Variants in NEMP2 observed in about 807,000 individuals in gnomAD.
NEMP2 encodes the protein UPF0571 transmembrane protein.
In NEMP2, 53 loss-of-function variants were observed where a neutral mutation model predicts 54.2. The observed-to-expected ratio is 0.98, with a 90% confidence interval of 0.78 to 1.23. The LOEUF (loss-of-function observed/expected upper bound fraction) is 1.23. Ranked by LOEUF, NEMP2 falls within the 50% of genes most tolerant of loss-of-function variation. The probability of loss-of-function intolerance (pLI) is 0.00; values close to 1 mark genes in which losing one functional copy is unlikely to be tolerated. For missense variants in NEMP2, 455 were observed against 511.3 expected, an observed-to-expected ratio of 0.89 and a Z score of 1.06; for synonymous variants, 197 against 190.3, an observed-to-expected ratio of 1.04 and a Z score of -0.29.
chr2:190,435,510 G>T, the NEMP2 span, among the ~76,000 whole-genome samples: 1 of 152,186 alleles, frequency 6.6e-6, no homozygotes, highest in African/African-American at 2.4e-5. Flanking sequence ...CATTACATTT[G>T]TGGTTGTGGT....
At chr2:190,450,140 T>G in the NEMP2 span, among the ~76,000 whole-genome samples, 1 of 152,238 alleles carries the variant, frequency 6.6e-6, no homozygotes, top group Admixed American at 6.5e-5. Flanking sequence ...ACCAGCTGTT[T>G]CGTTATCTTG....
At chr2:190,469,301 A>G in the NEMP2 span, among the ~76,000 whole-genome samples, 1 of 152,150 alleles carries the variant, frequency 6.6e-6, no homozygotes, top group East Asian at 1.9e-4. This position sits in a 1 kb window ranked among gnomAD's most constrained non-coding sequence, Gnocchi z 5.3. Flanking sequence ...GCAAGGCCAC[A>G]TTCGTGTTTA....
the NEMP2 span, chr2:190,648,250 C>G: frequency 6.6e-6 from 1 of 152,280 alleles, no homozygotes; most frequent in African/African-American, 2.4e-5. Flanking sequence ...CAAAGCTGTA[C>G]TTCGGACTCC....
the NEMP2 span, among the ~76,000 whole-genome samples, chr2:190,542,243 GCTCTGTTGC>G: frequency 6.6e-6 from 1 of 152,150 alleles, no homozygotes; most frequent in Non-Finnish European, 1.5e-5. The surrounding 1 kb of genome is among the most constrained non-coding windows in gnomAD (Gnocchi z 4.6). Flanking sequence ...GTGGAGTCTT[GCTCTGTTGC>G]CCAGGCTTGA....
chr2:190,482,172 G>A, the NEMP2 span, among the ~76,000 whole-genome samples: 15 of 152,214 alleles, frequency 9.9e-5, no homozygotes, highest in Non-Finnish European at 2.2e-4. Flanking sequence ...GCAGATGGCA[G>A]ATTCTCTGTA....
the NEMP2 span, among the ~76,000 whole-genome samples, chr2:190,551,045 A>G: frequency 4.0e-5 from 6 of 148,204 alleles, no homozygotes; most frequent in African/African-American, 1.5e-4. Flanking sequence ...TCTTACCCTT[A>G]CAAATCACTT....
the NEMP2 span, among the ~76,000 whole-genome samples, chr2:190,468,810 G>A: frequency 1.3e-5 from 2 of 152,120 alleles, no homozygotes; most frequent in South Asian, 2.1e-4. Context: ...ACTGATTATC[G>A]TGTTGGTTTA....
rs985785102 is a variant in NEMP2 at position 190,513,919 on chromosome 2, A to G, written c.953+534T>C. 2.6e-5 allele frequency among the ~76,000 whole-genome samples: 4 copies of G among 152,178 alleles called. No individual in the cohort carries two copies. Among genetic ancestry groups the G allele is most frequent in the Non-Finnish European group, 4.4e-5 (3 of 68,028 alleles). Reference sequence around the variant, plus strand: ...ACATGAAAACAGCTGCTCAGACTCAATGACTGAGGAGAAACATAACAAAGC... The same window carrying G: ...ACATGAAAACAGCTGCTCAGACTCAGTGACTGAGGAGAAACATAACAAAGC... On this transcript the variant is annotated intron_variant, in intron 7 of 8. Coordinates refer to ENST00000409150, the MANE Select transcript of NEMP2 (RefSeq NM_001142645.2). This position sits in a 1 kb window ranked among gnomAD's most constrained non-coding sequence, Gnocchi z 5.3.
At chr2:190,624,035 C>G in the NEMP2 span, among the ~76,000 whole-genome samples, 2 of 152,150 alleles carry the variant, frequency 1.3e-5, no homozygotes, top group African/African-American at 4.8e-5. Context: ...GTAATCCCAG[C>G]TACTTAGGAG....
chr2:190,464,746 T>C, the NEMP2 span: 4 of 179,442 alleles, frequency 2.2e-5, no homozygotes, highest in African/African-American at 9.5e-5. Flanking sequence ...TTAACTTATT[T>C]GTTTATGTGT....
At chr2:190,594,160 C>T in the NEMP2 span, among the ~76,000 whole-genome samples, 1 of 152,162 alleles carries the variant, frequency 6.6e-6, no homozygotes, top group African/African-American at 2.4e-5. This position sits in a 1 kb window ranked among gnomAD's most constrained non-coding sequence, Gnocchi z 5.6. Context: ...CATCTTGGGT[C>T]TTTCCCTCTT....
the NEMP2 span, among the ~76,000 whole-genome samples, chr2:190,549,443 G>C: frequency 6.6e-6 from 1 of 152,194 alleles, no homozygotes; most frequent in Admixed American, 6.5e-5. Flanking sequence ...CAATGGTGCA[G>C]TTCATGTAGA....
the NEMP2 span, among the ~76,000 whole-genome samples, chr2:190,572,849 A>G: frequency 4.1e-4 from 46 of 111,594 alleles, no homozygotes; most frequent in African/African-American, 1.4e-3. Context: ...ATATATATAT[A>G]TATATATATA....
the NEMP2 span, chr2:190,617,115 G>A: frequency 6.7e-6 from 1 of 149,924 alleles, no homozygotes; most frequent in Non-Finnish European, 1.5e-5. The surrounding 1 kb of genome is among the most constrained non-coding windows in gnomAD (Gnocchi z 5.0). Flanking sequence ...AACAGAGCAG[G>A]ACTCTGTCTC....
chr2:190,536,887 T>G (rs1034050917), upstream of NEMP2, among the ~76,000 whole-genome samples: 1 of 152,136 alleles, frequency 6.6e-6, no homozygotes, highest in African/African-American at 2.4e-5. Context: ...CTACCCACAT[T>G]ATTGACTGGA....
In NEMP2 at chr2:190,517,577, T is replaced by C. The variant is rs1559159935; in HGVS notation, c.555A>G (p.Leu185=). The change falls in exon 5 of 9, where the codon CTA becomes CTG. Residue 185 remains leucine, a synonymous_variant. Transcript: ENST00000409150. Reference sequence around the variant, plus strand: ...CAAAGACTAATGTCATTAGAACACCTAGCACAGTTCCCGAGGAGTAATAGA... The same window carrying C: ...CAAAGACTAATGTCATTAGAACACCCAGCACAGTTCCCGAGGAGTAATAGA... ...PTFYYSSGTV[L]GVLMTLVFVL... The C allele has an allele frequency of 3.2e-6, 5 of 1,550,706 alleles. No homozygotes were observed. The highest frequency in any genetic ancestry group is 2.4e-5 in the South Asian group (2 of 83,738).
In NEMP2 at chr2:190,509,321, T is replaced by A; in HGVS notation, c.1131-9A>T. On this transcript the variant is annotated splice_polypyrimidine_tract_variant and intron_variant, in intron 8 of 8. Coordinates refer to ENST00000409150, the MANE Select transcript of NEMP2 (RefSeq NM_001142645.2). This position sits in a 1 kb window ranked among gnomAD's most constrained non-coding sequence, Gnocchi z 6.1. ...GAACAAAGTCTGCAAATCTAACAAG[T>A]TTTTTGTTTTAAATAAAGTTAATGT... The A allele has an allele frequency of 6.4e-7, 1 of 1,551,282 alleles. No individual in the cohort carries two copies. Among genetic ancestry groups the A allele is most frequent in the Non-Finnish European group, 8.7e-7 (1 of 1,146,782 alleles).
At chr2:190,562,434 T>C in the NEMP2 span, among the ~76,000 whole-genome samples, 1 of 152,198 alleles carries the variant, frequency 6.6e-6, no homozygotes, top group Admixed American at 6.5e-5. The surrounding 1 kb of genome is among the most constrained non-coding windows in gnomAD (Gnocchi z 5.0). Flanking sequence ...CCTAGCTTCT[T>C]CCTCCAAGTT....
At chr2:190,607,966 G>A in the NEMP2 span, 1 of 152,304 alleles carries the variant, frequency 6.6e-6, no homozygotes, top group African/African-American at 2.4e-5. This position sits in a 1 kb window ranked among gnomAD's most constrained non-coding sequence, Gnocchi z 5.2. Flanking sequence ...GCTTTCTGCA[G>A]TTTTAGTTAT....
Sources: allele counts gnomAD v4.1 joint callset (sites outside exome capture counted in the v4.1 genomes callset), GRCh38; gene constraint gnomAD v4.1.1; non-coding constraint Gnocchi (gnomAD v3.1); transcripts MANE v1.5; gene names NCBI Gene and HGNC (gene_info 2026-07-23, HGNC 2026-07-21).